Variants in ZNF587 observed in about 807,000 individuals in gnomAD.
ZNF587 encodes zinc finger protein zfp6.
ZNF587 carries 8 observed loss-of-function variants against 7.5 expected under a neutral mutation model. That is an observed-to-expected ratio of 1.06 (90% CI 0.62 to 1.92). The LOEUF (loss-of-function observed/expected upper bound fraction) is 1.92, where lower values mean the gene tolerates loss of function less well. ZNF587 is among the 40% of genes most tolerant of loss of function. ZNF587 has a pLI of 0.00. For missense variants in ZNF587, 468 were observed against 692.8 expected (o/e 0.68, Z 3.64); for synonymous variants, 145 against 237.8 (o/e 0.61, Z 3.59).
intron 1 of ZNF587, among the ~76,000 whole-genome samples, chr19:57,855,570 T>TTG (rs967071449): frequency 1.3e-5 from 2 of 151,102 alleles, no homozygotes; most frequent in Admixed American, 6.6e-5. Flanking sequence ...TTTTTGTTTT[T>TTG]TTTTTTTTTG....
At position 57,850,913 on chromosome 19, in the gene ZNF587, T is replaced by C. The variant is rs529865713; in HGVS notation, c.33+842T>C. ...GAACAAAGGCGTGTGTCTAAACTAC[T>C]TAAGATCTTTAACTTAACTGAAACG... On this transcript the variant is annotated intron_variant, in intron 1 of 2. Coordinates refer to ENST00000339656, the MANE Select transcript of ZNF587 (RefSeq NM_032828.4). 7.0e-4 allele frequency: 138 copies of C among 196,840 alleles called. 1 individual carries two copies. The highest frequency in any genetic ancestry group is 3.0e-3 in the African/African-American group (131 of 43,346). The allele number at this position is 196,840 out of a possible 1,614,324, so 12.2% of individuals were successfully genotyped here. A position where few individuals can be genotyped will look rare whatever the true frequency, so the allele number is the denominator to read the frequency against.
chr19:57,855,034 A>T (rs1032326301), intron 1 of ZNF587, among the ~76,000 whole-genome samples: 2 of 151,928 alleles, frequency 1.3e-5, no homozygotes, highest in African/African-American at 4.8e-5. Flanking sequence ...AATACAAAAA[A>T]TTAGCCAGCT....
Position 57,856,174 on chromosome 19 carries a change from C to G in ZNF587, c.104C>G (p.Ala35Gly). The change falls in exon 2 of 3, where the codon GCT becomes GGT. Residue 35 changes from alanine to glycine, a missense_variant. Around this residue, in one of 5 missense-constraint regions of ZNF587, gnomAD observed 92 missense variants for 89.7 expected, o/e 1.03. Transcript: ENST00000339656. ...SQEEWCLLSE[A>G]QRCLYRDVML... Reference sequence around the variant, plus strand: ...GAGGAGTGGTGTCTTCTTAGTGAGGCTCAGAGGTGCTTGTACCGTGATGTG... The same window carrying G: ...GAGGAGTGGTGTCTTCTTAGTGAGGGTCAGAGGTGCTTGTACCGTGATGTG... 1.2e-6 allele frequency: 2 copies of G among 1,612,696 alleles called. No individual in the cohort carries two copies. Among genetic ancestry groups the G allele is most frequent in the Non-Finnish European group, 1.7e-6 (2 of 1,179,174 alleles).
In ZNF587 at chr19:57,859,733, T is replaced by C. The variant is rs752033029; in HGVS notation, c.1321T>C (p.Cys441Arg). 5 of 1,613,750 alleles carry C rather than the reference T, an allele frequency of 3.1e-6. No individual in the cohort carries two copies. Among genetic ancestry groups the C allele is most frequent in the Middle Eastern group, 1.6e-4 (1 of 6,062 alleles). ...GGAAAGACCTTACAATTGTAGGGAA[T>C]GTGGGAAATTATTTAACAGGAAGTA... Reference protein sequence around the residue: ...TGERPYNCRECGKLFNRKYHL... With the variant: ...TGERPYNCRERGKLFNRKYHL... The change falls in exon 3 of 3, where the codon TGT becomes CGT. Residue 441 changes from cysteine (C) to arginine (R), a missense_variant. This residue lies in a region of ZNF587 where 310 missense variants were observed against 325.6 expected (regional missense o/e 0.95). Transcript: ENST00000339656.
chr19:57,852,530 C>CT (rs1440508231), intron 1 of ZNF587: 15,170 of 339,488 alleles, frequency 0.045, 23 homozygotes, highest in Middle Eastern at 0.065. Flanking sequence ...GCTAGGTTTT[C>CT]TTTTTTTTTT....
Position 57,850,064 on chromosome 19 carries a change from C to T in ZNF587, c.26C>T (p.Pro9Leu). 1 of 1,614,276 alleles carries T rather than the reference C, an allele frequency of 6.2e-7. No homozygotes were observed. Among genetic ancestry groups the T allele is most frequent in the Non-Finnish European group, 8.5e-7 (1 of 1,180,056 alleles). MAAAVPRR[P>L]TQQGTVTFED... The stretch of plus-strand genomic sequence containing the variant: ...ATGGCAGCGGCTGTGCCGAGGCGCC[C>T]AACTCAGGTAATTGTGGTGCCTTCT... The change falls in exon 1 of 3, where the codon CCA (proline) becomes CTA (leucine). Residue 9 changes from proline to leucine, a missense_variant. Physicochemically the swap from Pro to Leu is moderately conservative, Grantham distance 98. Around this residue, in one of 5 missense-constraint regions of ZNF587, gnomAD observed 92 missense variants for 89.7 expected, o/e 1.03. Transcript: ENST00000339656.
Position 57,865,070 on chromosome 19 carries a change from C to A in ZNF587, c.*4930C>A, listed in dbSNP as rs2071491559. 6.6e-6 allele frequency: 1 copy of A among 152,184 alleles called. No homozygotes were observed. The highest frequency in any genetic ancestry group is 2.4e-5 in the African/African-American group (1 of 41,450). The allele number at this position is 152,184 out of a possible 1,614,324, so 9.4% of individuals were successfully genotyped here. ...TTAATTCTCTTATGAAGTTAATCTT[C>A]CTGCTTGTATGTGAATTAAATATAT... On this transcript the variant is annotated 3_prime_UTR_variant, in exon 3 of 3. Coordinates refer to ENST00000339656, the MANE Select transcript of ZNF587 (RefSeq NM_032828.4).
chr19:57,864,527 TACAGTCAGATGTTA>T lies in ZNF587; in HGVS notation c.*4394_*4407del, dbSNP rs1327012096. On this transcript the variant is annotated 3_prime_UTR_variant, in exon 3 of 3. Coordinates refer to ENST00000339656, the MANE Select transcript of ZNF587 (RefSeq NM_032828.4). Reference sequence around the variant, plus strand: ...AGATTGTAAGTTACAAATAGCAAGGTACAGTCAGATGTTAACAGTCTCAGCCCCTAAATGTCACC... The same window carrying T: ...AGATTGTAAGTTACAAATAGCAAGGTACAGTCTCAGCCCCTAAATGTCACC... The T allele has an allele frequency of 6.6e-6, 1 of 152,004 alleles. No individual in the cohort carries two copies. The highest frequency in any genetic ancestry group is 1.5e-5 in the Non-Finnish European group (1 of 68,004). The allele number at this position is 152,004 out of a possible 1,614,324, so 9.4% of individuals were successfully genotyped here.
chr19:57,855,764 T>A (rs1033117335), intron 1 of ZNF587, among the ~76,000 whole-genome samples: 1 of 152,122 alleles, frequency 6.6e-6, no homozygotes, highest in Non-Finnish European at 1.5e-5. Flanking sequence ...GGTTTCACCA[T>A]GTTAACCAGC....
At position 57,859,543 on chromosome 19, in the gene ZNF587, A is replaced by G; in HGVS notation, c.1131A>G (p.Glu377=). The change falls in exon 3 of 3, where the codon GAA becomes GAG. Residue 377 remains glutamate, a synonymous_variant. Transcript: ENST00000339656. ...FINHQRVHTG[E]RPYKCGECGK... ...ACCATCAGCGTGTTCACACTGGAGAAAGGCCTTACAAGTGTGGAGAATGTG... is the reference window on the plus strand; with the variant it reads ...ACCATCAGCGTGTTCACACTGGAGAGAGGCCTTACAAGTGTGGAGAATGTG... The G allele has an allele frequency of 1.2e-6, 2 of 1,613,952 alleles. No individual in the cohort carries two copies. The highest frequency in any genetic ancestry group is 1.1e-5 in the South Asian group (1 of 91,074).
At chr19:57,853,657 A>C (rs1295113429) in intron 1 of ZNF587, 1 of 152,222 alleles carries the variant, frequency 6.6e-6, no homozygotes, top group Admixed American at 6.6e-5. Flanking sequence ...TAGACATCCA[A>C]AGAGATAATA....
Position 57,864,646 on chromosome 19 carries a change from CCTT to C in ZNF587, c.*4509_*4511del, listed in dbSNP as rs1440026425. On this transcript the variant is annotated 3_prime_UTR_variant, in exon 3 of 3. Transcript: ENST00000339656. ...ACTTCATTCTCAGTAATATCTTCAT[CCTT>C]CTCACTGGAAAGATCTTTGATGATT... 23 of 152,266 alleles carry C rather than the reference CCTT, an allele frequency of 1.5e-4. No homozygotes were observed. Among genetic ancestry groups the C allele is most frequent in the Admixed American group, 9.8e-4 (15 of 15,294 alleles). 9.4% of individuals were successfully genotyped at this position (152,266 alleles called of 1,614,324 possible). A position where few individuals can be genotyped will look rare whatever the true frequency, so the allele number is the denominator to read the frequency against.
rs2122384920 is a variant in ZNF587, at chr19:57,864,985, T to C, written c.*4845T>C. The C allele has an allele frequency of 2.0e-5, 3 of 152,344 alleles. No homozygotes were observed. In the South Asian group the frequency reaches 6.2e-4, roughly 32 times the overall value. 9.4% of individuals were successfully genotyped at this position (152,344 alleles called of 1,614,324 possible). A position where few individuals can be genotyped will look rare whatever the true frequency, so the allele number is the denominator to read the frequency against. ...AAACTACAGTTTATATAAGCAAAAGTTTCAGTACTAAGCAATTTTAGTCTC... is the reference window on the plus strand; with the variant it reads ...AAACTACAGTTTATATAAGCAAAAGCTTCAGTACTAAGCAATTTTAGTCTC... On this transcript the variant is annotated 3_prime_UTR_variant, in exon 3 of 3. Transcript: ENST00000339656.
At chr19:57,855,841 G>A (rs772218365) in intron 1 of ZNF587, 7 of 440,132 alleles carry the variant, frequency 1.6e-5, no homozygotes, top group Admixed American at 1.3e-4. Flanking sequence ...GATTACAGGC[G>A]TGAGCCACCG....
intron 2 of ZNF587, among the ~76,000 whole-genome samples, chr19:57,857,685 A>G (rs2122341914): frequency 6.6e-6 from 1 of 151,866 alleles, no homozygotes; most frequent in Non-Finnish European, 1.5e-5. Flanking sequence ...CCCAAGCTGG[A>G]GTGCAATGGT....
chr19:57,849,992 C>G lies in ZNF587; in HGVS notation c.-47C>G, dbSNP rs372730849. The G allele has an allele frequency of 1.3e-5, 21 of 1,613,860 alleles. No homozygotes were observed. Among genetic ancestry groups the G allele is most frequent in the Middle Eastern group, 1.7e-4 (1 of 6,058 alleles). ...GTGCCCAGAGGCGGCTCTGCAGCCC[C>G]GTGACGGCGACCACTGCTCCCGGGC... On this transcript the variant is annotated 5_prime_UTR_variant, in exon 1 of 3. Coordinates refer to ENST00000339656, the MANE Select transcript of ZNF587 (RefSeq NM_032828.4).
intron 2 of ZNF587, among the ~76,000 whole-genome samples, chr19:57,856,682 A>G (rs1023492125): frequency 6.6e-6 from 1 of 151,464 alleles, no homozygotes; most frequent in African/African-American, 2.5e-5. Flanking sequence ...TGCTGGGATT[A>G]TAGGCGTGAG....
At position 57,861,773 on chromosome 19, in the gene ZNF587, C is replaced by CTTTTTTTTTTTTTTTTTTTTTTTTTTT. The variant is rs59253366; in HGVS notation, c.*1649_*1650insTTTTTTTTTTTTTTTTTTTTTTTTTTT. The CTTTTTTTTTTTTTTTTTTTTTTTTTTT allele has an allele frequency of 1.3e-4, 16 of 119,270 alleles. 1 individual carries two copies. The highest frequency in any genetic ancestry group is 4.8e-4 in the African/African-American group (14 of 29,296). The allele number at this position is 119,270 out of a possible 1,614,324, so 7.4% of individuals were successfully genotyped here. On this transcript the variant is annotated 3_prime_UTR_variant, in exon 3 of 3. Transcript: ENST00000339656. ...TTTGCTGCAAGGAATATTTGGTTTT[C>CTTTTTTTTTTTTTTTTTTTTTTTTTTT]TTTTTTTTTTTTTTTTCCAGATGGA...
rs565628771 is a variant in ZNF587, at chr19:57,849,881, T to C, written c.-158T>C. On this transcript the variant is annotated 5_prime_UTR_variant, in exon 1 of 3. It removes an upstream start codon present in the reference 5' UTR. Transcript: ENST00000339656. Reference sequence around the variant, plus strand: ...TCTAGTAGCGGCTGTGTATCGGCGATGCGGGTGTTTCCCCAGTTTGTGGCC... The same window carrying C: ...TCTAGTAGCGGCTGTGTATCGGCGACGCGGGTGTTTCCCCAGTTTGTGGCC... 706 of 1,509,844 alleles carry C rather than the reference T, an allele frequency of 4.7e-4. No homozygotes were observed. The highest frequency in any genetic ancestry group is 5.5e-4 in the Non-Finnish European group (615 of 1,128,398). 93.5% of individuals were successfully genotyped at this position (1,509,844 alleles called of 1,614,324 possible).
Sources: gnomAD v4.1 joint callset for allele counts (sites outside exome capture counted in the v4.1 genomes callset) on GRCh38, gnomAD v4.1.1 for gene constraint, gnomAD v4.1.1 regional missense constraint, MANE v1.5 for transcripts, NCBI Gene and HGNC (gene_info 2026-07-23, HGNC 2026-07-21) for gene names.